Variants in A2ML1 observed in about 807,000 individuals in gnomAD.
A2ML1 encodes alpha-2-macroglobulin like 1.
A2ML1 carries 161 observed loss-of-function variants against 181.9 expected under a neutral mutation model. The ratio of observed to expected loss-of-function variants is 0.89; its 90% CI spans 0.78 to 1.01. The LOEUF is 1.01. Among genes scored for constraint, A2ML1 ranks in the 50% least tolerant of loss-of-function variants. The pLI is 0.00. For synonymous variants in A2ML1, 663 were observed against 666.8 expected (o/e 0.99, Z 0.09); for missense variants, 1,670 against 1,768.1 (o/e 0.94, Z 1.00).
intron 3 of A2ML1, among the ~76,000 whole-genome samples, chr12:8,824,241 T>C (rs1019627858): frequency 6.7e-6 from 1 of 148,704 alleles, no homozygotes; most frequent in Non-Finnish European, 1.5e-5. Context: ...TTTTTTTTTT[T>C]TTTTTTTTGT....
chr12:8,845,928 A>G, intron 13 of A2ML1, 149 bp from the exon 14 acceptor site: 1 of 596,750 alleles, frequency 1.7e-6, no homozygotes, highest in East Asian at 2.9e-5. Context: ...GAATTGGAGC[A>G]CTAACAGTTA....
intron 2 of A2ML1, 140 bp downstream of exon 2, chr12:8,823,505 TC>T: frequency 1.8e-6 from 2 of 1,121,332 alleles, no homozygotes; most frequent in Non-Finnish European, 1.3e-6. Context: ...TTAACCTCAA[TC>T]CCCGGCTATA....
intron 16 of A2ML1, among the ~76,000 whole-genome samples, 190 bp downstream of exon 16, chr12:8,849,104 T>C (rs1943802145): frequency 6.6e-6 from 1 of 152,140 alleles, no homozygotes; most frequent in South Asian, 2.1e-4. Context: ...AACCTAGTCT[T>C]CCTCTTTTTG....
chr12:8,843,195 A>G lies in A2ML1; in HGVS notation c.1310A>G (p.Asn437Ser). Reference protein sequence around the residue: ...NPEQVPRYYQNAYLHLRPFYS... With the variant: ...NPEQVPRYYQSAYLHLRPFYS... ...GAACAAGTGCCACGTTACTACCAAA[A>G]TGCCTACCTGCACCTGCGACCCTTC... The change falls in exon 12 of 36, where the codon AAT becomes AGT. Residue 437 changes from asparagine (N) to serine (S), a missense_variant. Transcript: ENST00000299698. 6.2e-7 allele frequency: 1 copy of G among 1,614,152 alleles called. No homozygotes were observed. Among genetic ancestry groups the G allele is most frequent in the Non-Finnish European group, 8.5e-7 (1 of 1,180,034 alleles).
chr12:8,835,114 C>T (rs1305261595), intron 5 of A2ML1, among the ~76,000 whole-genome samples: 1 of 152,178 alleles, frequency 6.6e-6, no homozygotes, highest in Non-Finnish European at 1.5e-5. Context: ...TCCATTTTTC[C>T]ATTAAATCAC....
intron 3 of A2ML1, among the ~76,000 whole-genome samples, chr12:8,827,959 A>G (rs1278380321): frequency 6.6e-6 from 1 of 152,194 alleles, no homozygotes; most frequent in East Asian, 1.9e-4. Context: ...TCCAAAACAA[A>G]CAGAGTTTCT....
intron 11 of A2ML1, 116 bp from the exon 12 acceptor site, chr12:8,843,018 A>G (rs1943541977): frequency 1.1e-6 from 1 of 890,158 alleles, no homozygotes. Context: ...CCCACATGCC[A>G]TTCTCAGGCA....
chr12:8,870,952 G>C (rs947076999), intron 33 of A2ML1, among the ~76,000 whole-genome samples: 1 of 152,108 alleles, frequency 6.6e-6, no homozygotes, highest in Admixed American at 6.6e-5. Context: ...CCTCTTTTCT[G>C]TGTGTCTTCT....
rs755700972 is a variant in A2ML1, at chr12:8,847,492, G to A, written c.1684-57G>A. On this transcript the variant is annotated intron_variant, in intron 14 of 35. Transcript: ENST00000299698. ...ATTTGCTGATGACCCAAATTATGTTGTTTCCCTTCCTTTCCAGGCTGACCT... is the reference window on the plus strand; with the variant it reads ...ATTTGCTGATGACCCAAATTATGTTATTTCCCTTCCTTTCCAGGCTGACCT... The A allele has an allele frequency of 1.4e-5, 22 of 1,532,884 alleles. No homozygotes were observed. In the African/African-American group the frequency reaches 2.5e-4, roughly 17 times the overall value. The allele number at this position is 1,532,884 out of a possible 1,614,324, so 95.0% of individuals were successfully genotyped here.
chr12:8,861,317 A>G lies in A2ML1; in HGVS notation c.3502+20A>G, dbSNP rs1944256402. 6.2e-7 allele frequency: 1 copy of G among 1,612,428 alleles called. No homozygotes were observed. The highest frequency in any genetic ancestry group is 2.2e-5 in the East Asian group (1 of 44,858). On this transcript the variant is annotated intron_variant, in intron 28 of 35. Transcript: ENST00000299698. ...TCTCAGGTATGTTGGTCCTGTTGAG[A>G]GTTCTTTGAAATTGTGAACATAAGC...
In A2ML1 at chr12:8,837,534, C is replaced by T. The variant is rs1314025911; in HGVS notation, c.823C>T (p.Leu275Phe). ...GTATCGAGAGGTGGAACGGGAACAG[C>T]TTCCTGACAAATGCAGGAACCTCTC... The part of the protein sequence containing the change: ...YWYREVEREQ[L>F]PDKCRNLSGQ... The change falls in exon 8 of 36, where the codon CTT (leucine) becomes TTT (phenylalanine). Residue 275 changes from leucine (L) to phenylalanine (F), a missense_variant. Leu to Phe is a conservative substitution (Grantham distance 22, BLOSUM62 0). Coordinates refer to ENST00000299698, the MANE Select transcript of A2ML1 (RefSeq NM_144670.6). The T allele has an allele frequency of 1.2e-6, 2 of 1,613,726 alleles. No homozygotes were observed. The highest frequency in any genetic ancestry group is 2.7e-5 in the African/African-American group (2 of 74,916).
chr12:8,836,487 T>C (rs1360909451), intron 7 of A2ML1, 148 bp downstream of exon 7: 1 of 595,156 alleles, frequency 1.7e-6, no homozygotes, highest in Non-Finnish European at 2.9e-6. Flanking sequence ...AGACCTTTTT[T>C]TTTTTTTTTT....
chr12:8,885,928 A>G (rs1182415912), intron 7 of A2ML1, among the ~76,000 whole-genome samples: 1 of 152,006 alleles, frequency 6.6e-6, no homozygotes, highest in African/African-American at 2.4e-5. Flanking sequence ...TTTATCATAA[A>G]TAAGGTAGCC....
chr12:8,876,787 G>C lies in A2ML1; in HGVS notation c.*731G>C, dbSNP rs1403871419. ...AAAATAAAAATGGAAAAGAAAATCT[G>C]TGCATTTAGTTCTATGCATATTTCT... On this transcript the variant is annotated 3_prime_UTR_variant, in exon 36 of 36. Coordinates refer to ENST00000299698, the MANE Select transcript of A2ML1 (RefSeq NM_144670.6). 6.6e-6 allele frequency: 1 copy of C among 152,168 alleles called. No individual in the cohort carries two copies. The highest frequency in any genetic ancestry group is 1.5e-5 in the Non-Finnish European group (1 of 68,038). The allele number at this position is 152,168 out of a possible 1,614,324, so 9.4% of individuals were successfully genotyped here.
At chr12:8,861,101 C>A in intron 27 of A2ML1, 34 bp from the exon 28 acceptor site, 1 of 1,612,392 alleles carries the variant, frequency 6.2e-7, no homozygotes, top group Non-Finnish European at 8.5e-7. Flanking sequence ...AAAGGAATGC[C>A]TTATAAGTTA....
Position 8,843,210 on chromosome 12 carries a change from T to C in A2ML1, c.1325T>C (p.Leu442Pro), listed in dbSNP as rs1796097732. ...PRYYQNAYLH[L>P]RPFYSTTRSF... ...TACTACCAAAATGCCTACCTGCACC[T>C]GCGACCCTTCTACAGCACAACCCGC... The change falls in exon 12 of 36, where the codon CTG becomes CCG. Residue 442 changes from leucine (L) to proline (P), a missense_variant. Physicochemically the swap from Leu to Pro is moderately conservative, Grantham distance 98. Coordinates refer to ENST00000299698, the MANE Select transcript of A2ML1 (RefSeq NM_144670.6). 22 of 1,614,114 alleles carry C rather than the reference T, an allele frequency of 1.4e-5. No homozygotes were observed. Among genetic ancestry groups the C allele is most frequent in the Non-Finnish European group, 1.9e-5 (22 of 1,180,056 alleles).
intron 13 of A2ML1, 97 bp downstream of exon 13, chr12:8,845,599 G>A (rs917071559): frequency 6.2e-6 from 8 of 1,280,922 alleles, no homozygotes; most frequent in Middle Eastern, 4.0e-4. Context: ...TGTAATCCCA[G>A]CACTTTGGGA....
chr12:8,882,503 A>T (rs890499673), intron 7 of A2ML1, among the ~76,000 whole-genome samples: 3 of 152,228 alleles, frequency 2.0e-5, no homozygotes, highest in Non-Finnish European at 2.9e-5. Context: ...TGAAATATTT[A>T]TCATATCTCA....
chr12:8,835,489 A>G lies in A2ML1; in HGVS notation c.484-18A>G. Reference sequence around the variant, plus strand: ...AAGCAAACGGGCAGGCACATCATGCAGTTTCTCTATTGGACAGGATCCAAA... The same window carrying G: ...AAGCAAACGGGCAGGCACATCATGCGGTTTCTCTATTGGACAGGATCCAAA... On this transcript the variant is annotated intron_variant, in intron 5 of 35. Transcript: ENST00000299698. 6.2e-7 allele frequency: 1 copy of G among 1,613,184 alleles called. No individual in the cohort carries two copies. Among genetic ancestry groups the G allele is most frequent in the South Asian group, 1.1e-5 (1 of 91,026 alleles).
Sources: allele counts gnomAD v4.1 joint callset (sites outside exome capture counted in the v4.1 genomes callset), GRCh38; gene constraint gnomAD v4.1.1; transcripts MANE v1.5; gene names NCBI Gene and HGNC (gene_info 2026-07-23, HGNC 2026-07-21).